The following CHDH variants were observed in gnomAD, a reference collection of about 807,000 sequenced individuals.
CHDH encodes the protein choline dehydrogenase, mitochondrial.
CHDH carries 43 observed loss-of-function variants against 56.9 expected under a neutral mutation model. The ratio of observed to expected loss-of-function variants is 0.76; its 90% CI spans 0.59 to 0.97. CHDH has a LOEUF of 0.97. Ranked by LOEUF, CHDH falls within the 50% of genes least tolerant of loss-of-function variation. The pLI is 0.00. For missense variants in CHDH, 816 were observed against 821.1 expected, an observed-to-expected ratio of 0.99 and a Z score of 0.08; for synonymous variants, 364 against 348.5, an observed-to-expected ratio of 1.04 and a Z score of -0.50.
intron 1 of CHDH, 47 bp from the exon 2 acceptor site, chr3:53,841,046 T>C (rs1364248450): frequency 1.3e-5 from 2 of 151,686 alleles, no homozygotes; most frequent in Non-Finnish European, 2.9e-5. Context: ...TAGAAACTTT[T>C]ACAGTTTTAT....
rs2095622246 is a variant in CHDH at position 53,819,616 on chromosome 3, G to A, written c.1179C>T (p.Val393=). The change falls in exon 7 of 9, where the codon GTC becomes GTT. Residue 393 remains valine (V), a synonymous_variant. Coordinates refer to ENST00000315251, the MANE Select transcript of CHDH (RefSeq NM_018397.5). This position sits in a 1 kb window ranked among gnomAD's most constrained non-coding sequence, Gnocchi z 5.4. ...AATGGAACTGGATGTCCGGGTGGGG[G>A]ACCCCAGGCTGGCTGCGGATGAACC... The part of the protein sequence containing the change: ...TGGFIRSQPG[V]PHPDIQFHFL... 1.9e-6 allele frequency: 3 copies of A among 1,612,646 alleles called. No individual in the cohort carries two copies. Among genetic ancestry groups the A allele is most frequent in the Non-Finnish European group, 1.7e-6 (2 of 1,179,184 alleles).
intron 2 of CHDH, among the ~76,000 whole-genome samples, chr3:53,838,414 C>T (rs1004256641): frequency 6.6e-6 from 1 of 152,218 alleles, no homozygotes; most frequent in Non-Finnish European, 1.5e-5. Flanking sequence ...GTACTCCCTG[C>T]ACTCTGGGCT....
At chr3:53,835,293 T>C (rs967157040) in intron 2 of CHDH, among the ~76,000 whole-genome samples, 17 of 152,216 alleles carry the variant, frequency 1.1e-4, no homozygotes, top group Admixed American at 6.5e-4. Flanking sequence ...CATAGCCCAT[T>C]GTGGACAAGG....
At chr3:53,824,269 G>A (rs1478676587) in intron 2 of CHDH, among the ~76,000 whole-genome samples, 2 of 152,250 alleles carry the variant, frequency 1.3e-5, no homozygotes, top group Non-Finnish European at 2.9e-5. Flanking sequence ...AGGGGATGGG[G>A]CAGCAGAAAG....
chr3:53,838,761 A>C (rs1698582950), intron 2 of CHDH, among the ~76,000 whole-genome samples: 1 of 152,228 alleles, frequency 6.6e-6, no homozygotes, highest in African/African-American at 2.4e-5. Flanking sequence ...CCACGTACAC[A>C]GCAGGCACTC....
At chr3:53,842,762 A>C (rs1475811354) in intron 1 of CHDH, among the ~76,000 whole-genome samples, 1 of 152,142 alleles carries the variant, frequency 6.6e-6, no homozygotes, top group African/African-American at 2.4e-5. Flanking sequence ...GCAAGCCCTC[A>C]GTGTGGCTTC....
At position 53,812,586 on chromosome 3, in the gene CHDH, C is replaced by G. The variant is rs546151451; in HGVS notation, c.*5191G>C. 2.0e-5 allele frequency: 2 copies of G among 101,372 alleles called. No individual in the cohort carries two copies. The highest frequency in any genetic ancestry group is 2.4e-4 in the Admixed American group (2 of 8,452). The allele number at this position is 101,372 out of a possible 1,614,324, so 6.3% of individuals were successfully genotyped here. A position where few individuals can be genotyped will look rare whatever the true frequency, so the allele number is the denominator to read the frequency against. On this transcript the variant is annotated 3_prime_UTR_variant, in exon 9 of 9. Transcript: ENST00000315251. ...TTTTGTTTGTTTGACTTGAACCACCCTCTGGTAAGTAAGTAAGTGAATTAC... is the reference window on the plus strand; with the variant it reads ...TTTTGTTTGTTTGACTTGAACCACCGTCTGGTAAGTAAGTAAGTGAATTAC...
chr3:53,831,299 G>C (rs1221227838), intron 2 of CHDH, among the ~76,000 whole-genome samples: 4 of 152,256 alleles, frequency 2.6e-5, no homozygotes. Context: ...CTGGCTCCCG[G>C]AAAGCATCTC....
At chr3:53,828,462 C>A (rs1253659927) in intron 2 of CHDH, among the ~76,000 whole-genome samples, 1 of 152,180 alleles carries the variant, frequency 6.6e-6, no homozygotes, top group African/African-American at 2.4e-5. Context: ...AATTAATAGA[C>A]AAGTCACAGA....
intron 8 of CHDH, 103 bp from the exon 9 acceptor site, chr3:53,818,298 G>T: frequency 9.3e-7 from 1 of 1,069,864 alleles, no homozygotes; most frequent in Non-Finnish European, 1.3e-6. Context: ...CTGAGGGGAT[G>T]GTGTTTGGGG....
At chr3:53,822,696 G>C (rs2095629825) in intron 3 of CHDH, 54 bp from the exon 4 acceptor site, 20 of 1,575,884 alleles carry the variant, frequency 1.3e-5, no homozygotes, top group Non-Finnish European at 1.6e-5. Context: ...CTGGCACCTG[G>C]GCAGGAGGAA....
rs2095613412 is a variant in CHDH at position 53,815,011 on chromosome 3, A to T, written c.*2766T>A. 6.6e-6 allele frequency: 1 copy of T among 152,164 alleles called. No homozygotes were observed. Among genetic ancestry groups the T allele is most frequent in the Admixed American group, 6.5e-5 (1 of 15,276 alleles). The allele number at this position is 152,164 out of a possible 1,614,324, so 9.4% of individuals were successfully genotyped here. Reference sequence around the variant, plus strand: ...GATGATGCCTGCAACCTTCGCTACAAGCAGAAAGACTAGATGTTTGGGTGC... The same window carrying T: ...GATGATGCCTGCAACCTTCGCTACATGCAGAAAGACTAGATGTTTGGGTGC... On this transcript the variant is annotated 3_prime_UTR_variant, in exon 9 of 9. Coordinates refer to ENST00000315251, the MANE Select transcript of CHDH (RefSeq NM_018397.5).
rs761275533 is a variant in CHDH, at chr3:53,822,647, A to G, written c.704-5T>C. ...AGGCCGCGCTCCACCGTTTGCCTGC[A>G]GGATGGAGTGAGGTGGTCAGGCATG... On this transcript the variant is annotated splice_region_variant and splice_polypyrimidine_tract_variant and intron_variant, in intron 3 of 8. Transcript: ENST00000315251. 3.1e-6 allele frequency: 5 copies of G among 1,606,596 alleles called. No individual in the cohort carries two copies. Among genetic ancestry groups the G allele is most frequent in the Non-Finnish European group, 4.2e-6 (5 of 1,178,800 alleles).
At chr3:53,837,023 T>C (rs937595836) in intron 2 of CHDH, among the ~76,000 whole-genome samples, 1 of 151,510 alleles carries the variant, frequency 6.6e-6, no homozygotes, top group Non-Finnish European at 1.5e-5. Flanking sequence ...AAATTTTTTC[T>C]AAAAAAAAAC....
Position 53,823,639 on chromosome 3 carries a change from G to A in CHDH, c.370C>T (p.Arg124Cys), listed in dbSNP as rs1338096462. Residue 124 changes from arginine (R) to cysteine (C), a missense_variant, in exon 3 of 9, where the codon CGC becomes TGC. Transcript: ENST00000315251. ...GLDGRVLYWP[R>C]GRVWGGSSSL... Reference sequence around the variant, plus strand: ...GAGGAGCCACCCCAGACGCGGCCGCGTGGCCAGTACAGCACGCGGCCGTCC... The same window carrying A: ...GAGGAGCCACCCCAGACGCGGCCGCATGGCCAGTACAGCACGCGGCCGTCC... The A allele has an allele frequency of 3.2e-6, 5 of 1,544,494 alleles. No homozygotes were observed. The highest frequency in any genetic ancestry group is 3.5e-6 in the Non-Finnish European group (4 of 1,146,216).
Position 53,817,441 on chromosome 3 carries a change from G to A in CHDH, c.*336C>T. ...GGCCTGGGAAGGAACCACTGCCCTG[G>A]GTTAGAGAATGCCACGTGAACACAA... On this transcript the variant is annotated 3_prime_UTR_variant, in exon 9 of 9. Coordinates refer to ENST00000315251, the MANE Select transcript of CHDH (RefSeq NM_018397.5). 1 of 292,564 alleles carries A rather than the reference G, an allele frequency of 3.4e-6. No individual in the cohort carries two copies. Among genetic ancestry groups the A allele is most frequent in the Non-Finnish European group, 6.4e-6 (1 of 157,148 alleles). 18.1% of individuals were successfully genotyped at this position (292,564 alleles called of 1,614,324 possible). A position where few individuals can be genotyped will look rare whatever the true frequency, so the allele number is the denominator to read the frequency against.
chr3:53,832,297 C>T (rs965825733), intron 2 of CHDH, among the ~76,000 whole-genome samples: 6 of 152,040 alleles, frequency 3.9e-5, no homozygotes, highest in African/African-American at 1.4e-4. Flanking sequence ...TTTGGGAGGC[C>T]AAGGTAGGCG....
chr3:53,837,736 C>T (rs940387202), intron 2 of CHDH, among the ~76,000 whole-genome samples: 3 of 152,144 alleles, frequency 2.0e-5, no homozygotes, highest in Non-Finnish European at 2.9e-5. Flanking sequence ...AAAACCTTCA[C>T]GGTGGTCTAT....
In CHDH at chr3:53,819,471, C is replaced by CA; in HGVS notation, c.1263+60dup. ...AGAATGCTGCCTTGGAAGATGGGAG[C>CA]ATCTTCCTTCCTGGTGGGAAGGAGA... On this transcript the variant is annotated intron_variant, in intron 7 of 8. Transcript: ENST00000315251. This position sits in a 1 kb window ranked among gnomAD's most constrained non-coding sequence, Gnocchi z 5.4. 1.3e-6 allele frequency: 2 copies of CA among 1,550,210 alleles called. No individual in the cohort carries two copies. Among genetic ancestry groups the CA allele is most frequent in the Non-Finnish European group, 1.7e-6 (2 of 1,147,276 alleles).
Sources: gnomAD v4.1 joint callset for allele counts (sites outside exome capture counted in the v4.1 genomes callset) on GRCh38, gnomAD v4.1.1 for gene constraint, Gnocchi (gnomAD v3.1) non-coding constraint, MANE v1.5 for transcripts, NCBI Gene and HGNC (gene_info 2026-07-23, HGNC 2026-07-21) for gene names.